The following ARHGAP15 variants were observed in gnomAD, a reference collection of about 807,000 sequenced individuals.
ARHGAP15 encodes Rho GTPase activating protein 15.
In ARHGAP15, 51 loss-of-function variants were observed where a neutral mutation model predicts 63.7. The observed-to-expected ratio is 0.80, with a 90% CI of 0.64 to 1.01. The LOEUF (loss-of-function observed/expected upper bound fraction) is 1.01. Ranked by LOEUF, ARHGAP15 falls within the 50% of genes least tolerant of loss-of-function variation. The probability of loss-of-function intolerance (pLI) is 0.00; values close to 1 mark genes in which losing one functional copy is unlikely to be tolerated. For synonymous variants in ARHGAP15, 191 were observed against 193.8 expected (o/e 0.99, Z 0.12); for missense variants, 560 against 564.6 (o/e 0.99, Z 0.08).
At chr2:143,597,643 T>G (rs1226261604) in intron 11 of ARHGAP15, among the ~76,000 whole-genome samples, 1 of 152,170 alleles carries the variant, frequency 6.6e-6, no homozygotes, top group African/African-American at 2.4e-5. Context: ...AAGTAACTGT[T>G]TTGTTAAGTA....
chr2:143,500,272 A>G (rs551178819), intron 9 of ARHGAP15, among the ~76,000 whole-genome samples: 1 of 150,796 alleles, frequency 6.6e-6, no homozygotes, highest in Non-Finnish European at 1.5e-5. Context: ...TAATATTTAT[A>G]TATGAAGAAC....
chr2:143,616,419 G>A (rs1317130965), intron 11 of ARHGAP15, among the ~76,000 whole-genome samples: 1 of 152,100 alleles, frequency 6.6e-6, no homozygotes, highest in African/African-American at 2.4e-5. Flanking sequence ...CTCCTTCCAA[G>A]AGAGTAACTA....
chr2:143,271,974 C>CT (rs1172787711), intron 6 of ARHGAP15, among the ~76,000 whole-genome samples: 1 of 152,134 alleles, frequency 6.6e-6, no homozygotes, highest in Non-Finnish European at 1.5e-5. Context: ...GTTTGTAGTT[C>CT]TTTTTTTACT....
chr2:143,657,880 C>T (rs1681538916), intron 12 of ARHGAP15, among the ~76,000 whole-genome samples: 1 of 152,198 alleles, frequency 6.6e-6, no homozygotes. Flanking sequence ...CAAATTATTT[C>T]AGTACCTCAG....
intron 11 of ARHGAP15, among the ~76,000 whole-genome samples, chr2:143,589,906 G>A (rs1389711686): frequency 6.6e-6 from 1 of 152,186 alleles, no homozygotes; most frequent in Non-Finnish European, 1.5e-5. Context: ...ATTACTTTAT[G>A]TGTGTAACTT....
intron 6 of ARHGAP15, among the ~76,000 whole-genome samples, chr2:143,336,970 G>A (rs1357398355): frequency 1.3e-5 from 2 of 152,120 alleles, no homozygotes; most frequent in African/African-American, 4.8e-5. Context: ...GTAAGGAAGA[G>A]GGCCCTAGAT....
At chr2:143,734,711 T>C (rs559180042) in intron 13 of ARHGAP15, among the ~76,000 whole-genome samples, 30 of 152,326 alleles carry the variant, frequency 2.0e-4, no homozygotes, top group African/African-American at 7.2e-4. Flanking sequence ...CATTTTGGGA[T>C]GTGCTGCGCT....
intron 6 of ARHGAP15, among the ~76,000 whole-genome samples, chr2:143,323,621 G>T (rs1404914739): frequency 1.3e-5 from 2 of 152,104 alleles, no homozygotes; most frequent in Admixed American, 6.5e-5. Context: ...TCTAGGCTGG[G>T]TGTGGTGGTT....
At chr2:143,436,393 C>T (rs1280717195) in intron 7 of ARHGAP15, among the ~76,000 whole-genome samples, 1 of 152,062 alleles carries the variant, frequency 6.6e-6, no homozygotes, top group Non-Finnish European at 1.5e-5. Context: ...TTTCATTATA[C>T]CATTTTGGGA....
intron 1 of ARHGAP15, among the ~76,000 whole-genome samples, chr2:143,133,512 C>A (rs1688992705): frequency 6.6e-6 from 1 of 152,116 alleles, no homozygotes; most frequent in African/African-American, 2.4e-5. Context: ...ATTTTCTTTG[C>A]AGAAGAGTTT....
chr2:143,520,001 A>G (rs1046697716), intron 10 of ARHGAP15, among the ~76,000 whole-genome samples: 1 of 152,178 alleles, frequency 6.6e-6, no homozygotes, highest in African/African-American at 2.4e-5. Context: ...TTTTCCTTCA[A>G]ACTATGACTT....
chr2:143,477,389 A>G (rs958595990), intron 8 of ARHGAP15, among the ~76,000 whole-genome samples: 2 of 150,670 alleles, frequency 1.3e-5, no homozygotes, highest in Non-Finnish European at 3.0e-5. Context: ...ATGATGCAGG[A>G]TGCCTATCAT....
At chr2:143,372,984 TAAAA>T (rs34460482) in intron 6 of ARHGAP15, among the ~76,000 whole-genome samples, 7 of 136,720 alleles carry the variant, frequency 5.1e-5, no homozygotes, top group African/African-American at 1.6e-4. Flanking sequence ...TCTCTCCTCT[TAAAA>T]AAAAAAAAAA....
At chr2:143,192,885 G>A (rs1385284641) in intron 2 of ARHGAP15, among the ~76,000 whole-genome samples, 1 of 152,202 alleles carries the variant, frequency 6.6e-6, no homozygotes, top group Admixed American at 6.5e-5. Flanking sequence ...GCTGCTTCCT[G>A]ATGCCACTGC....
At chr2:143,202,283 A>C in intron 3 of ARHGAP15, 81 bp downstream of exon 3, 1 of 1,144,548 alleles carries the variant, frequency 8.7e-7, no homozygotes. Flanking sequence ...GAACAGCTTA[A>C]GTTATTATCT....
rs554872001 is a variant in ARHGAP15, at chr2:143,156,786, T to C, written c.165+1131T>C. Among the ~76,000 whole-genome samples the C allele has an allele frequency of 5.3e-5, 8 of 152,064 alleles. No individual in the cohort carries two copies. The East Asian group carries it at 1.2e-3, about 22-fold the overall frequency. Reference sequence around the variant, plus strand: ...CTTAGATAAAGTAACTAATGAGATATGCATTTTTCTTTATTTACTTTCTCA... The same window carrying C: ...CTTAGATAAAGTAACTAATGAGATACGCATTTTTCTTTATTTACTTTCTCA... On this transcript the variant is annotated intron_variant, in intron 2 of 13. Coordinates refer to ENST00000295095, the MANE Select transcript of ARHGAP15 (RefSeq NM_018460.4).
intron 6 of ARHGAP15, among the ~76,000 whole-genome samples, chr2:143,378,418 G>A (rs761398896): frequency 3.3e-5 from 5 of 151,870 alleles, no homozygotes; most frequent in Non-Finnish European, 5.9e-5. Flanking sequence ...GGCATATTGG[G>A]GTCAATTCCC....
intron 6 of ARHGAP15, among the ~76,000 whole-genome samples, chr2:143,429,851 T>C (rs1689305045): frequency 6.6e-6 from 1 of 152,122 alleles, no homozygotes; most frequent in Non-Finnish European, 1.5e-5. Context: ...GTATAAAACA[T>C]TTTTCTGACT....
At chr2:143,762,934 A>G (rs1329725062) in intron 13 of ARHGAP15, among the ~76,000 whole-genome samples, 1 of 152,156 alleles carries the variant, frequency 6.6e-6, no homozygotes, top group East Asian at 1.9e-4. Flanking sequence ...CCCTCCAACA[A>G]TACAACTCAA....
Sources: gnomAD v4.1 joint callset for allele counts (sites outside exome capture counted in the v4.1 genomes callset) on GRCh38, gnomAD v4.1.1 for gene constraint, MANE v1.5 for transcripts, NCBI Gene and HGNC (gene_info 2026-07-23, HGNC 2026-07-21) for gene names.